Variants in MPC2 observed in about 807,000 individuals in gnomAD.
MPC2 encodes brain protein 44.
In MPC2, 19 loss-of-function variants were observed where a neutral mutation model predicts 19.2. The observed-to-expected ratio is 0.99, with a 90% CI of 0.69 to 1.45. MPC2 has a LOEUF of 1.45. Among genes scored for constraint, MPC2 ranks in the 40% most tolerant of loss-of-function variants. The pLI is 0.00. For synonymous variants in MPC2, 61 were observed against 54.3 expected, an observed-to-expected ratio of 1.12 and a Z score of -0.54; for missense variants, 122 against 153.0, an observed-to-expected ratio of 0.80 and a Z score of 1.07.
chr1:167,927,733 C>G (rs965009419), intron 2 of MPC2, among the ~76,000 whole-genome samples: 11 of 152,142 alleles, frequency 7.2e-5, no homozygotes, highest in African/African-American at 2.7e-4. Flanking sequence ...TACTAAACTG[C>G]CTAGAGCTAG....
At chr1:167,936,732 G>C in intron 1 of MPC2, 1 of 598,562 alleles carries the variant, frequency 1.7e-6, no homozygotes, top group Non-Finnish European at 3.0e-6. Context: ...GCTCCGGCCC[G>C]GGTGCGGCCG....
At chr1:167,925,882 T>C (rs1014492536) in intron 2 of MPC2, among the ~76,000 whole-genome samples, 9 of 152,334 alleles carry the variant, frequency 5.9e-5, no homozygotes, top group Non-Finnish European at 1.0e-4. Context: ...AATCATAAGT[T>C]GTTTTTATCA....
At chr1:167,928,209 G>A (rs1403526836) in intron 2 of MPC2, among the ~76,000 whole-genome samples, 5 of 151,882 alleles carry the variant, frequency 3.3e-5, no homozygotes, top group Admixed American at 1.3e-4. Context: ...TTAGCTGCGC[G>A]TGGTGGCAGG....
intron 2 of MPC2, among the ~76,000 whole-genome samples, chr1:167,925,442 C>CACATAT (rs1553200803): frequency 9.2e-4 from 76 of 82,470 alleles, no homozygotes; most frequent in East Asian, 5.2e-3. Flanking sequence ...TACATATACA[C>CACATAT]ATATATATAT....
chr1:167,936,063 C>T (rs374785748), intron 1 of MPC2, 165 bp from the exon 2 acceptor site: 3 of 578,592 alleles, frequency 5.2e-6, no homozygotes, highest in South Asian at 2.0e-5. Context: ...TGCCAGCCCC[C>T]GGTCCGCCTC....
rs1670480672 is a variant in MPC2, at chr1:167,917,408, G to C, written c.*915C>G. 6.6e-6 allele frequency: 1 copy of C among 152,236 alleles called. No homozygotes were observed. Among genetic ancestry groups the C allele is most frequent in the South Asian group, 2.1e-4 (1 of 4,828 alleles). 9.4% of individuals were successfully genotyped at this position (152,236 alleles called of 1,614,324 possible). A position where few individuals can be genotyped will look rare whatever the true frequency, so the allele number is the denominator to read the frequency against. Reference sequence around the variant, plus strand: ...GAGCCCAGGAGTTCGAGACCAGCCTGGGCAACATGACAAAACCCTACCTCT... The same window carrying C: ...GAGCCCAGGAGTTCGAGACCAGCCTCGGCAACATGACAAAACCCTACCTCT... On this transcript the variant is annotated 3_prime_UTR_variant, in exon 6 of 6. Transcript: ENST00000271373.
At chr1:167,921,396 A>G (rs1381360604) in intron 3 of MPC2, among the ~76,000 whole-genome samples, 2 of 151,894 alleles carry the variant, frequency 1.3e-5, no homozygotes, top group African/African-American at 2.4e-5. Context: ...TAATTTTTGT[A>G]TTTTTAATAG....
chr1:167,922,336 A>G (rs926148584), intron 3 of MPC2, among the ~76,000 whole-genome samples: 3 of 152,148 alleles, frequency 2.0e-5, no homozygotes, highest in Non-Finnish European at 2.9e-5. Flanking sequence ...AACCAGTTCA[A>G]ATAAACCCCA....
At position 167,918,091 on chromosome 1, in the gene MPC2, T is replaced by G. The variant is rs1239748765; in HGVS notation, c.*232A>C. On this transcript the variant is annotated 3_prime_UTR_variant, in exon 6 of 6. Transcript: ENST00000271373. The stretch of plus-strand genomic sequence containing the variant: ...GGTATATACGAGCAAGTATGGTTTA[T>G]TACGGACAAATGGTAGAAAAATGTT... 7.1e-6 allele frequency: 3 copies of G among 425,104 alleles called. No individual in the cohort carries two copies. The highest frequency in any genetic ancestry group is 1.3e-5 in the Non-Finnish European group (3 of 238,244). The allele number at this position is 425,104 out of a possible 1,614,324, so 26.3% of individuals were successfully genotyped here.
intron 2 of MPC2, among the ~76,000 whole-genome samples, chr1:167,930,858 A>G (rs1266136339): frequency 6.6e-6 from 1 of 152,264 alleles, no homozygotes; most frequent in African/African-American, 2.4e-5. Context: ...CCTTTAGCAC[A>G]TCTGCATAAA....
intron 3 of MPC2, among the ~76,000 whole-genome samples, chr1:167,922,895 A>G (rs1670638805): frequency 1.3e-5 from 2 of 152,236 alleles, no homozygotes; most frequent in Non-Finnish European, 2.9e-5. Context: ...AAAGGACTTG[A>G]ATAAATATTT....
intron 1 of MPC2, chr1:167,936,661 G>A (rs1353303778): frequency 4.6e-6 from 2 of 438,428 alleles, no homozygotes; most frequent in Non-Finnish European, 8.2e-6. Flanking sequence ...GGGGCTGAGG[G>A]AGGAGACTGT....
rs376142767 is a variant in MPC2 at position 167,918,281 on chromosome 1, G to C, written c.*42C>G. 4 of 1,491,274 alleles carry C rather than the reference G, an allele frequency of 2.7e-6. No individual in the cohort carries two copies. The East Asian group carries it at 9.2e-5, about 34-fold the overall frequency. The allele number at this position is 1,491,274 out of a possible 1,614,324, so 92.4% of individuals were successfully genotyped here. Reference sequence around the variant, plus strand: ...CCAAATAATAAACTAGGTCCCAATGGTTTTGTCCACATCTAGATTGTTCAG... The same window carrying C: ...CCAAATAATAAACTAGGTCCCAATGCTTTTGTCCACATCTAGATTGTTCAG... On this transcript the variant is annotated 3_prime_UTR_variant, in exon 6 of 6. Coordinates refer to ENST00000271373, the MANE Select transcript of MPC2 (RefSeq NM_001143674.4).
intron 1 of MPC2, chr1:167,936,548 G>A (rs1002505270): frequency 2.1e-5 from 6 of 279,694 alleles, no homozygotes; most frequent in Non-Finnish European, 3.5e-5. Flanking sequence ...TCAGTCCCCA[G>A]GGTGGTCGTC....
intron 2 of MPC2, among the ~76,000 whole-genome samples, chr1:167,927,600 A>C (rs1325415086): frequency 6.6e-6 from 1 of 152,174 alleles, no homozygotes; most frequent in African/African-American, 2.4e-5. Flanking sequence ...TGTCACCCCA[A>C]AATTGTTTTC....
At chr1:167,928,251 G>C (rs1017660448) in intron 2 of MPC2, among the ~76,000 whole-genome samples, 2 of 151,760 alleles carry the variant, frequency 1.3e-5, no homozygotes, top group African/African-American at 4.8e-5. Flanking sequence ...GGGAGGCTGA[G>C]GCAGGAGAAT....
chr1:167,920,109 A>G lies in MPC2; in HGVS notation c.236-19T>C. On this transcript the variant is annotated intron_variant, in intron 4 of 5. Transcript: ENST00000271373. The stretch of plus-strand genomic sequence containing the variant: ...ATAAACCCTGTTGAAACAAAATGTT[A>G]CTTTAAAAAGAATACATACTGCTTC... 6.6e-7 allele frequency: 1 copy of G among 1,506,484 alleles called. No homozygotes were observed. The highest frequency in any genetic ancestry group is 9.2e-7 in the Non-Finnish European group (1 of 1,087,994). 93.3% of individuals were successfully genotyped at this position (1,506,484 alleles called of 1,614,324 possible). A position where few individuals can be genotyped will look rare whatever the true frequency, so the allele number is the denominator to read the frequency against.
At chr1:167,918,435 T>TA in intron 5 of MPC2, 76 bp from the exon 6 acceptor site, 1 of 938,038 alleles carries the variant, frequency 1.1e-6, no homozygotes, top group East Asian at 2.6e-5. Flanking sequence ...ATGGGAAGCA[T>TA]ACTCCATTTC....
chr1:167,935,890 CG>C lies in MPC2; in HGVS notation c.-50del. 1 of 1,411,804 alleles carries C rather than the reference CG, an allele frequency of 7.1e-7. No individual in the cohort carries two copies. Among genetic ancestry groups the C allele is most frequent in the East Asian group, 2.5e-5 (1 of 40,214 alleles). The allele number at this position is 1,411,804 out of a possible 1,614,324, so 87.5% of individuals were successfully genotyped here. A position where few individuals can be genotyped will look rare whatever the true frequency, so the allele number is the denominator to read the frequency against. ...CCGGGTGGGAGCGTGGCTGTGTTCTCGTCCCTGGCTGACAACGAAGGGGAGC... is the reference window on the plus strand; with the variant it reads ...CCGGGTGGGAGCGTGGCTGTGTTCTCTCCCTGGCTGACAACGAAGGGGAGC... On this transcript the variant is annotated 5_prime_UTR_variant, in exon 2 of 6. Coordinates refer to ENST00000271373, the MANE Select transcript of MPC2 (RefSeq NM_001143674.4).
Sources: gnomAD v4.1 joint callset for allele counts (sites outside exome capture counted in the v4.1 genomes callset) on GRCh38, gnomAD v4.1.1 for gene constraint, MANE v1.5 for transcripts, NCBI Gene and HGNC (gene_info 2026-07-23, HGNC 2026-07-21) for gene names.